The following FAM186B variants were observed in gnomAD, a reference collection of about 807,000 sequenced individuals.
FAM186B encodes family with sequence similarity 186 member B.
In FAM186B, 68 loss-of-function variants were observed where a neutral mutation model predicts 83.4. The observed-to-expected ratio is 0.81, with a 90% CI of 0.67 to 1.00. The LOEUF (loss-of-function observed/expected upper bound fraction) is 1.00. Ranked by LOEUF, FAM186B falls within the 50% of genes least tolerant of loss-of-function variation. FAM186B has a pLI of 0.00. For missense variants in FAM186B, 983 were observed against 1,099.2 expected, an observed-to-expected ratio of 0.89 and a Z score of 1.49; for synonymous variants, 389 against 422.0, an observed-to-expected ratio of 0.92 and a Z score of 0.96.
upstream of FAM186B, among the ~76,000 whole-genome samples, chr12:49,607,686 CATT>C (rs1940050012): frequency 1.3e-5 from 2 of 152,014 alleles, no homozygotes; most frequent in Admixed American, 1.3e-4. Flanking sequence ...ATGAGGTTAG[CATT>C]ATTTTTATTT....
chr12:49,621,467 G>A, the FAM186B span, among the ~76,000 whole-genome samples: 2 of 152,278 alleles, frequency 1.3e-5, no homozygotes, highest in African/African-American at 4.8e-5. Context: ...GCAAGGTGAG[G>A]GGATGAACAG....
At chr12:49,592,801 A>G (rs1193817741) in intron 5 of FAM186B, among the ~76,000 whole-genome samples, 1 of 152,140 alleles carries the variant, frequency 6.6e-6, no homozygotes, top group Non-Finnish European at 1.5e-5. Context: ...AAAAATAAAA[A>G]ATAACAAAAC....
chr12:49,592,660 C>A (rs1939608339), intron 5 of FAM186B, among the ~76,000 whole-genome samples: 1 of 152,100 alleles, frequency 6.6e-6, no homozygotes, highest in Non-Finnish European at 1.5e-5. Context: ...GTGGCGGGTG[C>A]CTGTAATCCC....
rs1040934790 is a variant in FAM186B at position 49,587,840 on chromosome 12, G to C, written c.2535-88C>G. The C allele has an allele frequency of 1.5e-5, 21 of 1,429,568 alleles. No individual in the cohort carries two copies. In the African/African-American group the frequency reaches 3.0e-4, roughly 21 times the overall value. The allele number at this position is 1,429,568 out of a possible 1,614,324, so 88.6% of individuals were successfully genotyped here. On this transcript the variant is annotated intron_variant, in intron 6 of 6. Coordinates refer to ENST00000257894, the MANE Select transcript of FAM186B (RefSeq NM_032130.3). ...CTCCAGAGCCATCAGGCCCAAGTGA[G>C]CTTTGTCTCCTTCCCTTCTCAAATC...
chr12:49,599,435 G>A, intron 4 of FAM186B, 34 bp downstream of exon 4: 1 of 1,509,958 alleles, frequency 6.6e-7, no homozygotes, highest in Non-Finnish European at 8.8e-7. Flanking sequence ...TATTGCAGCA[G>A]GTGGGTGCCA....
chr12:49,612,183 C>T, the FAM186B span, among the ~76,000 whole-genome samples: 1 of 152,052 alleles, frequency 6.6e-6, no homozygotes, highest in Non-Finnish European at 1.5e-5. Context: ...TTAAAAGGCA[C>T]AGAGCTGCAA....
chr12:49,601,595 G>C (rs1939895053), intron 3 of FAM186B, among the ~76,000 whole-genome samples: 1 of 151,612 alleles, frequency 6.6e-6, no homozygotes, highest in Admixed American at 6.6e-5. Context: ...TTATCACATG[G>C]TCCTCCAACT....
intron 6 of FAM186B, 46 bp downstream of exon 6, chr12:49,588,408 C>A: frequency 6.4e-7 from 1 of 1,573,304 alleles, no homozygotes; most frequent in Non-Finnish European, 8.6e-7. Flanking sequence ...TGCTCCCTGC[C>A]TCTTCACCCA....
chr12:49,615,497 G>A, the FAM186B span, among the ~76,000 whole-genome samples: 2 of 152,146 alleles, frequency 1.3e-5, no homozygotes, highest in East Asian at 3.9e-4. Context: ...CACGAAAGAA[G>A]TTATACAAAT....
chr12:49,585,167 C>T (rs1022683979), downstream of FAM186B, among the ~76,000 whole-genome samples: 9 of 152,100 alleles, frequency 5.9e-5, no homozygotes, highest in African/African-American at 9.7e-5. Flanking sequence ...TACAGGCGCC[C>T]GCCACCATGC....
At chr12:49,614,790 T>C in the FAM186B span, among the ~76,000 whole-genome samples, 1 of 152,066 alleles carries the variant, frequency 6.6e-6, no homozygotes, top group Non-Finnish European at 1.5e-5. Context: ...TGCAATGGAC[T>C]TTGGGGACTC....
chr12:49,583,105 A>G (rs1194840889), downstream of FAM186B: 1 of 455,732 alleles, frequency 2.2e-6, no homozygotes, highest in Non-Finnish European at 4.4e-6. Context: ...CACAGTGCCA[A>G]GAGCCTGTGA....
chr12:49,621,937 C>T, the FAM186B span, among the ~76,000 whole-genome samples: 3 of 152,222 alleles, frequency 2.0e-5, no homozygotes, highest in African/African-American at 7.2e-5. Flanking sequence ...ACGATGGGGG[C>T]AGGGCTCTGC....
In FAM186B at chr12:49,600,424, C is replaced by T. The variant is rs141961008; in HGVS notation, c.1216G>A (p.Gly406Ser). The T allele has an allele frequency of 2.7e-5, 43 of 1,613,508 alleles. No individual in the cohort carries two copies. The highest frequency in any genetic ancestry group is 3.3e-5 in the South Asian group (3 of 91,000). ...TCAAGGCTCTCAGTGTCCTTGCTGC[C>T]GAACACATCTGCGACCCTCGAGCGC... Reference protein sequence around the residue: ...TVRSRVADVFGSKDTESLEPV... With the variant: ...TVRSRVADVFSSKDTESLEPV... Residue 406 changes from glycine (G) to serine (S), a missense_variant, in exon 4 of 7, where the codon GGC (glycine) becomes AGC (serine). Gly to Ser is a moderately conservative substitution (Grantham distance 56). Coordinates refer to ENST00000257894, the MANE Select transcript of FAM186B (RefSeq NM_032130.3). This position sits in a 1 kb window ranked among gnomAD's most constrained non-coding sequence, Gnocchi z 4.3.
upstream of FAM186B, among the ~76,000 whole-genome samples, chr12:49,609,715 T>G (rs192912095): frequency 1.8e-3 from 269 of 152,260 alleles, no homozygotes; most frequent in Middle Eastern, 6.8e-3. Context: ...CCAAGGAGGT[T>G]TCCCAACTCA....
At chr12:49,621,378 A>AAAC in the FAM186B span, among the ~76,000 whole-genome samples, 1 of 152,182 alleles carries the variant, frequency 6.6e-6, no homozygotes, top group East Asian at 1.9e-4. Flanking sequence ...TCTCAAAACA[A>AAAC]AACAACAACA....
chr12:49,594,152 A>G (rs559730315), intron 5 of FAM186B: 175 of 274,928 alleles, frequency 6.4e-4, no homozygotes, highest in African/African-American at 3.7e-3. Flanking sequence ...GGAGGATGTC[A>G]TGCAGAAAAT....
chr12:49,608,383 C>G (rs1424060696), upstream of FAM186B, among the ~76,000 whole-genome samples: 2 of 150,088 alleles, frequency 1.3e-5, no homozygotes, highest in African/African-American at 4.9e-5. Context: ...CCCAGCTACT[C>G]TGGAAGCTGA....
chr12:49,605,637 A>C lies in FAM186B; in HGVS notation c.-160T>G, dbSNP rs959769373. On this transcript the variant is annotated 5_prime_UTR_variant, in exon 1 of 7. Coordinates refer to ENST00000257894, the MANE Select transcript of FAM186B (RefSeq NM_032130.3). ...GGTAACTGCCAAACACCAGGTTCCA[A>C]CTGATCCTCTTTTCCCCAGTGACAT... The C allele has an allele frequency of 4.7e-6, 3 of 642,168 alleles. No individual in the cohort carries two copies. Among genetic ancestry groups the C allele is most frequent in the Non-Finnish European group, 7.8e-6 (3 of 384,198 alleles). The allele number at this position is 642,168 out of a possible 1,614,324, so 39.8% of individuals were successfully genotyped here. A position where few individuals can be genotyped will look rare whatever the true frequency, so the allele number is the denominator to read the frequency against.
Sources: gnomAD v4.1 joint callset for allele counts (sites outside exome capture counted in the v4.1 genomes callset) on GRCh38, gnomAD v4.1.1 for gene constraint, Gnocchi (gnomAD v3.1) non-coding constraint, MANE v1.5 for transcripts, NCBI Gene and HGNC (gene_info 2026-07-23, HGNC 2026-07-21) for gene names.